SUGCT: variants seen among roughly 807,000 people sequenced by gnomAD.
The protein encoded by SUGCT is succinyl-CoA:glutarate-CoA transferase.
A neutral mutation model predicts 55.0 loss-of-function variants in SUGCT; 41 were observed. That is an observed-to-expected ratio of 0.74 (90% CI 0.58 to 0.97). The LOEUF (loss-of-function observed/expected upper bound fraction) is 0.97. Among genes scored for constraint, SUGCT ranks in the 50% least tolerant of loss-of-function variants. The pLI, the probability that SUGCT is intolerant of heterozygous loss-of-function variation, is 0.00. For missense variants in SUGCT, 568 were observed against 547.8 expected (o/e 1.04, Z -0.37); for synonymous variants, 187 against 200.4 (o/e 0.93, Z 0.56).
chr7:40,429,132 T>G (rs893096978), intron 9 of SUGCT, among the ~76,000 whole-genome samples: 17 of 147,594 alleles, frequency 1.2e-4, no homozygotes, highest in Non-Finnish European at 9.0e-5. Flanking sequence ...GTTTTTTTTT[T>G]GTTATTGTGG....
intron 12 of SUGCT, among the ~76,000 whole-genome samples, chr7:40,593,825 T>A (rs1450335813): frequency 6.6e-6 from 1 of 152,164 alleles, no homozygotes; most frequent in Admixed American, 6.5e-5. Flanking sequence ...GGTGACAGAC[T>A]GAGACTCTGT....
At chr7:40,607,377 A>G (rs571163959) in intron 12 of SUGCT, among the ~76,000 whole-genome samples, 96 of 152,232 alleles carry the variant, frequency 6.3e-4, no homozygotes, top group African/African-American at 2.2e-3. Context: ...TGCTGGGATT[A>G]CAGGTGTGAG....
intron 12 of SUGCT, among the ~76,000 whole-genome samples, chr7:40,648,912 G>A (rs535474856): frequency 4.6e-5 from 7 of 152,212 alleles, no homozygotes; most frequent in South Asian, 2.1e-4. Flanking sequence ...GTTTTAAGCC[G>A]CCTAGTTTGA....
chr7:40,783,589 T>C (rs1789864575), intron 13 of SUGCT: 1 of 152,016 alleles, frequency 6.6e-6, no homozygotes, highest in African/African-American at 2.4e-5. Flanking sequence ...GGAGAAAAGG[T>C]AGGCAAAGCC....
At chr7:40,634,565 A>G (rs538319622) in intron 12 of SUGCT, among the ~76,000 whole-genome samples, 2 of 152,190 alleles carry the variant, frequency 1.3e-5, no homozygotes, top group East Asian at 1.9e-4. Flanking sequence ...TTGTCAAACT[A>G]TCCACTACAG....
intron 13 of SUGCT, among the ~76,000 whole-genome samples, chr7:40,810,299 G>C (rs955508858): frequency 6.6e-6 from 1 of 152,062 alleles, no homozygotes; most frequent in Non-Finnish European, 1.5e-5. Flanking sequence ...GGGATTGCTA[G>C]GTCAAATGGA....
chr7:40,419,544 C>A (rs951287239), intron 9 of SUGCT, among the ~76,000 whole-genome samples: 6 of 152,178 alleles, frequency 3.9e-5, no homozygotes, highest in Non-Finnish European at 2.9e-5. Flanking sequence ...GTTCAGTCTG[C>A]AGTTTGGGTA....
At chr7:40,533,868 A>C (rs1373238815) in intron 12 of SUGCT, among the ~76,000 whole-genome samples, 2 of 152,178 alleles carry the variant, frequency 1.3e-5, no homozygotes, top group African/African-American at 4.8e-5. Context: ...TATTGGTTAA[A>C]ATATTGCAAA....
At chr7:40,393,914 G>C (rs994617445) in intron 9 of SUGCT, among the ~76,000 whole-genome samples, 1 of 152,170 alleles carries the variant, frequency 6.6e-6, no homozygotes, top group Non-Finnish European at 1.5e-5. Context: ...GTAAGAGATT[G>C]TACTGGTTTC....
intron 12 of SUGCT, among the ~76,000 whole-genome samples, chr7:40,525,015 A>G (rs1583896242): frequency 6.6e-6 from 1 of 152,186 alleles, no homozygotes; most frequent in African/African-American, 2.4e-5. Flanking sequence ...TTTAATTCAA[A>G]TGCTTCTATA....
chr7:41,006,475 G>A, the SUGCT span, among the ~76,000 whole-genome samples: 3 of 152,104 alleles, frequency 2.0e-5, no homozygotes, highest in South Asian at 6.2e-4. Flanking sequence ...AAAGCTTTGG[G>A]TTGCCATCAG....
intron 12 of SUGCT, among the ~76,000 whole-genome samples, chr7:40,593,862 C>A (rs116595120): frequency 0.025 from 3,812 of 152,124 alleles, 154 homozygotes; most frequent in African/African-American, 0.088. Flanking sequence ...ACAACAAAAT[C>A]TCACTATGAT....
At chr7:40,522,070 C>A (rs2151576450) in intron 12 of SUGCT, among the ~76,000 whole-genome samples, 1 of 152,188 alleles carries the variant, frequency 6.6e-6, no homozygotes, top group Non-Finnish European at 1.5e-5. Flanking sequence ...AGGGAATTGG[C>A]AAGGTAGGAA....
intron 6 of SUGCT, among the ~76,000 whole-genome samples, chr7:40,208,427 T>C (rs1460871164): frequency 6.6e-6 from 1 of 152,176 alleles, no homozygotes; most frequent in Non-Finnish European, 1.5e-5. Context: ...ATGGAAGAAA[T>C]TCAGATTACT....
chr7:40,237,215 A>G (rs1256745812), intron 6 of SUGCT, among the ~76,000 whole-genome samples: 1 of 150,882 alleles, frequency 6.6e-6, no homozygotes, highest in Non-Finnish European at 1.5e-5. Flanking sequence ...AGGCTGAGGC[A>G]GGTGGATCAC....
the SUGCT span, among the ~76,000 whole-genome samples, chr7:40,976,200 C>T: frequency 1.5e-3 from 234 of 152,260 alleles, no homozygotes; most frequent in African/African-American, 2.4e-3. Flanking sequence ...GAGGTGAGTG[C>T]GTTGCAGGCA....
chr7:40,957,386 T>G, the SUGCT span, among the ~76,000 whole-genome samples: 1 of 151,936 alleles, frequency 6.6e-6, no homozygotes, highest in African/African-American at 2.4e-5. Flanking sequence ...GCCTTCTTTG[T>G]CTTTTTTGAT....
chr7:40,159,355 G>GT (rs910039688), intron 1 of SUGCT, among the ~76,000 whole-genome samples: 2 of 151,750 alleles, frequency 1.3e-5, no homozygotes, highest in African/African-American at 2.4e-5. Flanking sequence ...AGGGATTCTA[G>GT]TTTTTTTTAA....
At chr7:40,263,122 A>G (rs1791336125) in intron 7 of SUGCT, among the ~76,000 whole-genome samples, 2 of 152,122 alleles carry the variant, frequency 1.3e-5, no homozygotes, top group Non-Finnish European at 1.5e-5. Context: ...GGGTTTCACC[A>G]TGTTGGCCAG....
Sources: allele counts gnomAD v4.1 joint callset (sites outside exome capture counted in the v4.1 genomes callset), GRCh38; gene constraint gnomAD v4.1.1; transcripts MANE v1.5; gene names NCBI Gene and HGNC (gene_info 2026-07-23, HGNC 2026-07-21).